Variants in HIPK2 observed in about 807,000 individuals in gnomAD.
HIPK2 encodes homeodomain-interacting protein kinase 2.
In HIPK2, 27 loss-of-function variants were observed where a neutral mutation model predicts 113.7. The observed-to-expected ratio is 0.24, with a 90% CI of 0.17 to 0.33. The LOEUF (loss-of-function observed/expected upper bound fraction) is 0.33, where lower values mean the gene tolerates loss of function less well. Among genes scored for constraint, HIPK2 ranks in the 10% least tolerant of loss-of-function variants. HIPK2 has a pLI of 1.00. For synonymous variants in HIPK2, 631 were observed against 642.2 expected (o/e 0.98, Z 0.26); for missense variants, 1,257 against 1,588.0 (o/e 0.79, Z 3.54).
intron 9 of HIPK2, among the ~76,000 whole-genome samples, chr7:139,607,018 A>C (rs890837005): frequency 8.5e-5 from 13 of 152,242 alleles, no homozygotes; most frequent in African/African-American, 3.1e-4. Context: ...TATATCCATG[A>C]AACAAGATCA....
chr7:139,739,981 T>G (rs1197001020), intron 1 of HIPK2, among the ~76,000 whole-genome samples: 2 of 152,200 alleles, frequency 1.3e-5, no homozygotes, highest in Non-Finnish European at 2.9e-5. Flanking sequence ...TTGGGCTGCT[T>G]CTCCTTTTCG....
chr7:139,729,594 C>T (rs768002997), intron 1 of HIPK2, among the ~76,000 whole-genome samples: 12 of 152,142 alleles, frequency 7.9e-5, no homozygotes, highest in Non-Finnish European at 1.5e-4. Flanking sequence ...CACCTGCCAT[C>T]CACATTGTTC....
intron 14 of HIPK2, 75 bp from the exon 15 acceptor site, chr7:139,573,472 G>T: frequency 7.3e-7 from 1 of 1,360,740 alleles, no homozygotes; most frequent in Non-Finnish European, 1.0e-6. Flanking sequence ...AGGGGCAGGA[G>T]GGCAGGGAGG....
chr7:139,577,206 T>C (rs577876674), intron 13 of HIPK2, among the ~76,000 whole-genome samples: 2 of 140,222 alleles, frequency 1.4e-5, no homozygotes, highest in African/African-American at 5.3e-5. Context: ...TGGAGTGCAA[T>C]GGTGCGATCT....
intron 7 of HIPK2, among the ~76,000 whole-genome samples, chr7:139,619,319 A>G (rs1800159172): frequency 6.6e-6 from 1 of 152,232 alleles, no homozygotes; most frequent in Admixed American, 6.5e-5. Flanking sequence ...CCAGATTGAT[A>G]TTAAGAACAA....
chr7:139,751,590 A>AGATGGATGGATGGATGGATGGATG (rs36202472), intron 1 of HIPK2, among the ~76,000 whole-genome samples: 1 of 145,986 alleles, frequency 6.8e-6, no homozygotes, highest in Non-Finnish European at 1.5e-5. Flanking sequence ...TTGGATGGAT[A>AGATGGATGGATGGATGGATGGATG]GATGGATGGA....
At chr7:139,718,304 C>A (rs1389101588) in intron 1 of HIPK2, among the ~76,000 whole-genome samples, 1 of 152,212 alleles carries the variant, frequency 6.6e-6, no homozygotes, top group Admixed American at 6.5e-5. Flanking sequence ...CTTCTGCAAG[C>A]CCTGTTGGGG....
chr7:139,676,003 AG>A (rs755629353), intron 2 of HIPK2, among the ~76,000 whole-genome samples: 11 of 152,260 alleles, frequency 7.2e-5, no homozygotes, highest in Non-Finnish European at 1.3e-4. Context: ...CAATCAGGTC[AG>A]TCGTCTCCTG....
At chr7:139,774,815 G>T (rs963407084) in intron 1 of HIPK2, among the ~76,000 whole-genome samples, 1 of 152,108 alleles carries the variant, frequency 6.6e-6, no homozygotes, top group African/African-American at 2.4e-5. Flanking sequence ...CAATCACAAG[G>T]CAAATGTTTA....
intron 5 of HIPK2, among the ~76,000 whole-genome samples, chr7:139,628,678 C>G (rs1800510475): frequency 6.6e-6 from 1 of 152,228 alleles, no homozygotes; most frequent in African/African-American, 2.4e-5. Flanking sequence ...AGGTCATCCA[C>G]TCGCCTTGGC....
chr7:139,672,391 C>G (rs1390772453), intron 2 of HIPK2, among the ~76,000 whole-genome samples: 1 of 152,072 alleles, frequency 6.6e-6, no homozygotes, highest in Non-Finnish European at 1.5e-5. Flanking sequence ...ACCAAGTAAC[C>G]ATTAACTATT....
At chr7:139,696,721 G>A (rs1379817859) in intron 2 of HIPK2, among the ~76,000 whole-genome samples, 1 of 152,186 alleles carries the variant, frequency 6.6e-6, no homozygotes, top group Non-Finnish European at 1.5e-5. Flanking sequence ...AAGTAAAGGG[G>A]GCGGGGTGAA....
At chr7:139,576,787 C>T (rs1365889768) in intron 13 of HIPK2, among the ~76,000 whole-genome samples, 1 of 152,236 alleles carries the variant, frequency 6.6e-6, no homozygotes, top group African/African-American at 2.4e-5. Flanking sequence ...CAGGACAGGG[C>T]AGGACAGGGC....
chr7:139,627,419 GT>G (rs1800472848), intron 5 of HIPK2, among the ~76,000 whole-genome samples: 1 of 152,120 alleles, frequency 6.6e-6, no homozygotes, highest in African/African-American at 2.4e-5. Context: ...CTTCTCATGG[GT>G]TCCCCAGTTA....
intron 1 of HIPK2, among the ~76,000 whole-genome samples, chr7:139,728,933 A>C (rs892223361): frequency 2.6e-5 from 4 of 152,182 alleles, no homozygotes; most frequent in African/African-American, 9.7e-5. Context: ...CTTTAAATTA[A>C]GCTCTGCATG....
chr7:139,640,731 C>T (rs904184780), intron 2 of HIPK2, among the ~76,000 whole-genome samples: 1 of 152,004 alleles, frequency 6.6e-6, no homozygotes, highest in African/African-American at 2.4e-5. Flanking sequence ...TTGACCGCAC[C>T]TTCCACCTCC....
intron 2 of HIPK2, among the ~76,000 whole-genome samples, chr7:139,676,562 T>G (rs974745949): frequency 6.6e-6 from 1 of 152,204 alleles, no homozygotes. Flanking sequence ...CCTTTTTCTG[T>G]GAGCACTAAG....
intron 9 of HIPK2, among the ~76,000 whole-genome samples, chr7:139,611,196 T>A (rs987127102): frequency 6.6e-6 from 1 of 152,218 alleles, no homozygotes; most frequent in Admixed American, 6.5e-5. Flanking sequence ...AAGAAGAAGA[T>A]ATTTTATGAG....
rs2116382716 is a variant in HIPK2, at chr7:139,564,582, T to C, written c.*8345A>G. The C allele has an allele frequency of 6.6e-6, 1 of 152,310 alleles. No individual in the cohort carries two copies. The highest frequency in any genetic ancestry group is 2.1e-4 in the South Asian group (1 of 4,822). 9.4% of individuals were successfully genotyped at this position (152,310 alleles called of 1,614,324 possible). ...CATCTGGATTGCCTTTCATGTTCTC[T>C]TGAGTTCACGTGGAAAGTAATAATC... On this transcript the variant is annotated 3_prime_UTR_variant, in exon 15 of 15. Transcript: ENST00000406875.
Sources: gnomAD v4.1 joint callset for allele counts (sites outside exome capture counted in the v4.1 genomes callset) on GRCh38, gnomAD v4.1.1 for gene constraint, MANE v1.5 for transcripts, NCBI Gene and HGNC (gene_info 2026-07-23, HGNC 2026-07-21) for gene names.